ST3GAL3: variants seen among roughly 807,000 people sequenced by gnomAD.
ST3GAL3 encodes ST3 beta-galactoside alpha-2,3-sialyltransferase 3, also known as CMP-N-acetylneuraminate-beta-1,4-galactoside alpha-2,3-sialyltransferase.
Under a neutral mutation model 50.1 loss-of-function variants are expected in ST3GAL3, and 21 were observed. The ratio of observed to expected loss-of-function variants is 0.42; its 90% CI spans 0.30 to 0.60. The LOEUF (loss-of-function observed/expected upper bound fraction) is 0.60. Ranked by LOEUF, ST3GAL3 falls within the 20% of genes least tolerant of loss-of-function variation. The pLI is 0.19. For synonymous variants in ST3GAL3, 183 were observed against 190.0 expected (o/e 0.96, Z 0.30); for missense variants, 353 against 489.4 (o/e 0.72, Z 2.63).
chr1:43,798,642 C>A (rs539420327), intron 3 of ST3GAL3, among the ~76,000 whole-genome samples: 59 of 152,294 alleles, frequency 3.9e-4, no homozygotes, highest in Non-Finnish European at 7.2e-4. Context: ...CAGACCACTT[C>A]ATCTAAAGTA....
chr1:43,750,929 C>A (rs1431892558), intron 2 of ST3GAL3, among the ~76,000 whole-genome samples: 1 of 151,678 alleles, frequency 6.6e-6, no homozygotes, highest in Non-Finnish European at 1.5e-5. Flanking sequence ...TTAAAAAATT[C>A]TCTAGAAATT....
At chr1:43,745,304 G>GT (rs1479469443) in intron 2 of ST3GAL3, among the ~76,000 whole-genome samples, 1 of 152,196 alleles carries the variant, frequency 6.6e-6, no homozygotes, top group Non-Finnish European at 1.5e-5. Context: ...ATGGGTAAAT[G>GT]TAATTTTACT....
intron 2 of ST3GAL3, among the ~76,000 whole-genome samples, chr1:43,777,349 G>T (rs570822540): frequency 6.6e-6 from 1 of 152,228 alleles, no homozygotes; most frequent in South Asian, 2.1e-4. Flanking sequence ...AACAAAGCTG[G>T]AGGCATCATA....
Position 43,749,214 on chromosome 1 carries a change from C to T in ST3GAL3, c.118+12834C>T, listed in dbSNP as rs571179709. 2.2e-4 allele frequency among the ~76,000 whole-genome samples: 34 copies of T among 152,246 alleles called. 1 individual carries two copies. Among genetic ancestry groups the T allele is most frequent in the Admixed American group, 8.5e-4 (13 of 15,280 alleles). On this transcript the variant is annotated intron_variant, in intron 2 of 11. Coordinates refer to ENST00000347631, the MANE Select transcript of ST3GAL3 (RefSeq NM_006279.5). ...ATACAAAAATCAATTTTAAGTGGATCGTAGACCTAAGTGTAAAATTTATAG... is the reference window on the plus strand; with the variant it reads ...ATACAAAAATCAATTTTAAGTGGATTGTAGACCTAAGTGTAAAATTTATAG...
intron 1 of ST3GAL3, among the ~76,000 whole-genome samples, chr1:43,733,693 C>G (rs1475766091): frequency 6.6e-6 from 1 of 152,198 alleles, no homozygotes; most frequent in Non-Finnish European, 1.5e-5. Context: ...CTTCTTGGGC[C>G]TGAACTCTTC....
chr1:43,769,892 G>A (rs1449389922), intron 2 of ST3GAL3, among the ~76,000 whole-genome samples: 1 of 151,982 alleles, frequency 6.6e-6, no homozygotes, highest in Non-Finnish European at 1.5e-5. Context: ...ACAGGTCTTT[G>A]AAGTAGAATA....
intron 2 of ST3GAL3, among the ~76,000 whole-genome samples, chr1:43,751,523 ATGG>A (rs539533951): frequency 6.0e-4 from 91 of 152,378 alleles, no homozygotes; most frequent in Admixed American, 1.3e-3. Flanking sequence ...AGCCATTGAA[ATGG>A]CTAAGGTAGA....
At chr1:43,747,271 A>G (rs28833034) in intron 2 of ST3GAL3, among the ~76,000 whole-genome samples, 104,740 of 151,686 alleles carry the variant, frequency 0.69, 36,511 homozygotes, top group Non-Finnish European at 0.73. Context: ...AGCCTGCCGG[A>G]CATGGTGGCA....
intron 3 of ST3GAL3, among the ~76,000 whole-genome samples, chr1:43,805,894 C>A (rs2059819939): frequency 6.6e-6 from 1 of 152,160 alleles, no homozygotes; most frequent in Non-Finnish European, 1.5e-5. Context: ...CACCACCACA[C>A]CCGGCTAATT....
intron 2 of ST3GAL3, among the ~76,000 whole-genome samples, chr1:43,744,928 T>C (rs1336386369): frequency 6.6e-6 from 1 of 151,540 alleles, no homozygotes; most frequent in Admixed American, 6.6e-5. Flanking sequence ...GAGACAGAGG[T>C]TGCAGTGAGC....
intron 1 of ST3GAL3, among the ~76,000 whole-genome samples, chr1:43,719,810 G>A (rs1669453416): frequency 6.6e-6 from 1 of 151,964 alleles, no homozygotes; most frequent in Admixed American, 6.6e-5. Context: ...GCATATGCCT[G>A]TAATCCCAGC....
At chr1:43,794,385 GCAAAACTT>G in intron 3 of ST3GAL3, among the ~76,000 whole-genome samples, 1 of 152,294 alleles carries the variant, frequency 6.6e-6, no homozygotes, top group East Asian at 1.9e-4. Flanking sequence ...CTACCAAATG[GCAAAACTT>G]GAAAAGCTTG....
chr1:43,869,234 A>G (rs1378575894), intron 5 of ST3GAL3, among the ~76,000 whole-genome samples: 3 of 152,176 alleles, frequency 2.0e-5, no homozygotes. Context: ...TTAACTATGA[A>G]AAGCCAAAAT....
At chr1:43,908,367 G>C (rs1020924553) in intron 9 of ST3GAL3, among the ~76,000 whole-genome samples, 1 of 152,126 alleles carries the variant, frequency 6.6e-6, no homozygotes, top group Non-Finnish European at 1.5e-5. Flanking sequence ...TAGATGCAGT[G>C]GTTCTCAAAG....
At chr1:43,911,429 A>G (rs1407319210) in intron 9 of ST3GAL3, among the ~76,000 whole-genome samples, 1 of 151,072 alleles carries the variant, frequency 6.6e-6, no homozygotes, top group Non-Finnish European at 1.5e-5. Flanking sequence ...AGCACAACAG[A>G]TCTCCAGGGT....
At chr1:43,724,102 T>C (rs1233315338) in intron 1 of ST3GAL3, among the ~76,000 whole-genome samples, 1 of 152,202 alleles carries the variant, frequency 6.6e-6, no homozygotes, top group Non-Finnish European at 1.5e-5. Flanking sequence ...TGTATGCATA[T>C]ATATATATGC....
At chr1:43,778,132 A>G (rs780104571) in intron 2 of ST3GAL3, among the ~76,000 whole-genome samples, 2 of 152,198 alleles carry the variant, frequency 1.3e-5, no homozygotes, top group African/African-American at 2.4e-5. Context: ...CTGCAGGGAC[A>G]TGGTTGGAGC....
rs2064759817 is a variant in ST3GAL3, at chr1:43,838,215, A to G, written c.210-4A>G. On this transcript the variant is annotated splice_polypyrimidine_tract_variant and splice_region_variant and intron_variant, in intron 4 of 11. Coordinates refer to ENST00000347631, the MANE Select transcript of ST3GAL3 (RefSeq NM_006279.5). ...AAGCTGTAACTTTCCTTCTCTTCCCATAGGCCTGCTGAATTAGCCACCAAG... is the reference window on the plus strand; with the variant it reads ...AAGCTGTAACTTTCCTTCTCTTCCCGTAGGCCTGCTGAATTAGCCACCAAG... 1 of 1,610,666 alleles carries G rather than the reference A, an allele frequency of 6.2e-7. No homozygotes were observed. The highest frequency in any genetic ancestry group is 8.5e-7 in the Non-Finnish European group (1 of 1,178,328).
chr1:43,910,053 T>G (rs2080524200), intron 9 of ST3GAL3, among the ~76,000 whole-genome samples: 1 of 152,210 alleles, frequency 6.6e-6, no homozygotes, highest in South Asian at 2.1e-4. Flanking sequence ...ACCAGTTTTT[T>G]GGAAAGGAAA....
Sources: gnomAD v4.1 joint callset for allele counts (sites outside exome capture counted in the v4.1 genomes callset) on GRCh38, gnomAD v4.1.1 for gene constraint, MANE v1.5 for transcripts, NCBI Gene and HGNC (gene_info 2026-07-23, HGNC 2026-07-21) for gene names.